LAMA2: variants seen among roughly 807,000 people sequenced by gnomAD.
The protein encoded by LAMA2 is laminin subunit alpha 2, also known as laminin subunit alpha-2.
Under a neutral mutation model 364.8 loss-of-function variants are expected in LAMA2, and 269 were observed. The observed-to-expected ratio is 0.74, with a 90% CI of 0.67 to 0.82. LAMA2 has a LOEUF of 0.82. Among genes scored for constraint, LAMA2 ranks in the 40% least tolerant of loss-of-function variants. The probability of loss-of-function intolerance (pLI) is 0.00; values close to 1 mark genes in which losing one functional copy is unlikely to be tolerated. For synonymous variants in LAMA2, 1,379 were observed against 1,370.6 expected, an observed-to-expected ratio of 1.01 and a Z score of -0.14; for missense variants, 3,807 against 3,873.2, an observed-to-expected ratio of 0.98 and a Z score of 0.45.
intron 43 of LAMA2, among the ~76,000 whole-genome samples, chr6:129,441,553 A>G (rs2114766973): frequency 6.6e-6 from 1 of 152,272 alleles, no homozygotes; most frequent in South Asian, 2.1e-4. Context: ...CTTATATATT[A>G]TATAAAATTA....
At chr6:129,206,654 T>C (rs1426568725) in intron 12 of LAMA2, among the ~76,000 whole-genome samples, 1 of 152,224 alleles carries the variant, frequency 6.6e-6, no homozygotes, top group Non-Finnish European at 1.5e-5. Flanking sequence ...ATTCCTGATG[T>C]CTTCTCATCA....
At chr6:129,512,227 G>T in intron 62 of LAMA2, 136 bp from the exon 63 acceptor site, 1 of 785,634 alleles carries the variant, frequency 1.3e-6, no homozygotes, top group Non-Finnish European at 2.1e-6. Flanking sequence ...GGCCAGGCAG[G>T]ATCTGAAACT....
intron 37 of LAMA2, among the ~76,000 whole-genome samples, chr6:129,398,704 C>T (rs1347851454): frequency 6.6e-6 from 1 of 152,032 alleles, no homozygotes; most frequent in Non-Finnish European, 1.5e-5. Flanking sequence ...GGACTCCTGA[C>T]CTCAGGTGAT....
At chr6:128,974,598 A>T (rs1223748081) in intron 1 of LAMA2, among the ~76,000 whole-genome samples, 1 of 152,194 alleles carries the variant, frequency 6.6e-6, no homozygotes, top group Non-Finnish European at 1.5e-5. Flanking sequence ...TGTCCCCCAA[A>T]GTTAATATAT....
At chr6:129,073,656 C>T (rs4289675) in intron 3 of LAMA2, among the ~76,000 whole-genome samples, 104,267 of 152,020 alleles carry the variant, frequency 0.69, 36,164 homozygotes, top group East Asian at 0.81. Context: ...ATTCAATCTT[C>T]TATTACATAC....
intron 1 of LAMA2, among the ~76,000 whole-genome samples, chr6:128,910,307 C>T (rs1286930004): frequency 3.3e-5 from 5 of 152,200 alleles, no homozygotes; most frequent in African/African-American, 7.2e-5. Context: ...TTCACATAGT[C>T]CCATATTTCT....
intron 62 of LAMA2, 64 bp downstream of exon 62, chr6:129,507,706 G>A (rs1391650077): frequency 2.1e-5 from 32 of 1,508,534 alleles, no homozygotes; most frequent in Non-Finnish European, 2.5e-5. Flanking sequence ...CTTCTTGCTA[G>A]TACCAAATAA....
intron 1 of LAMA2, among the ~76,000 whole-genome samples, chr6:128,952,262 A>G (rs892194363): frequency 6.6e-6 from 1 of 152,216 alleles, no homozygotes; most frequent in Non-Finnish European, 1.5e-5. Flanking sequence ...GAAAAAGCAA[A>G]TATCTTTCCT....
chr6:129,085,584 GA>G (rs1344495229), intron 3 of LAMA2, among the ~76,000 whole-genome samples: 1 of 152,094 alleles, frequency 6.6e-6, no homozygotes, highest in Admixed American at 6.5e-5. Flanking sequence ...CCAATGTGAG[GA>G]ACTTTGGAAG....
chr6:129,272,248 G>T (rs569600276), intron 17 of LAMA2, among the ~76,000 whole-genome samples: 5 of 152,278 alleles, frequency 3.3e-5, no homozygotes, highest in Non-Finnish European at 2.9e-5. Context: ...CAATTCTGGA[G>T]CCAGACTCTT....
chr6:129,069,868 A>C (rs1773198635), intron 3 of LAMA2, among the ~76,000 whole-genome samples: 2 of 149,596 alleles, frequency 1.3e-5, no homozygotes, highest in African/African-American at 4.9e-5. Context: ...ATATGTACTA[A>C]TGTATTAGCT....
chr6:128,964,061 A>G (rs960204177), intron 1 of LAMA2, among the ~76,000 whole-genome samples: 6 of 152,122 alleles, frequency 3.9e-5, no homozygotes, highest in African/African-American at 1.2e-4. Flanking sequence ...AAAAAAACAC[A>G]GTCTTTTTCT....
At chr6:129,494,363 C>T (rs1239598511) in intron 58 of LAMA2, among the ~76,000 whole-genome samples, 1 of 152,224 alleles carries the variant, frequency 6.6e-6, no homozygotes, top group East Asian at 1.9e-4. Flanking sequence ...CTCCAAGCAT[C>T]CTTTCATCCT....
At chr6:129,292,829 G>A in intron 20 of LAMA2, 3 of 985,866 alleles carry the variant, frequency 3.0e-6, no homozygotes, top group Non-Finnish European at 3.6e-6. Context: ...ATCCAGAGAA[G>A]CGATTCTGTG....
chr6:129,012,040 A>T (rs142293447), intron 1 of LAMA2, among the ~76,000 whole-genome samples: 1 of 152,206 alleles, frequency 6.6e-6, no homozygotes, highest in Non-Finnish European at 1.5e-5. Flanking sequence ...CCTTCTACTC[A>T]GGACTCCATT....
chr6:128,937,486 C>A (rs1779897810), intron 1 of LAMA2, among the ~76,000 whole-genome samples: 1 of 151,702 alleles, frequency 6.6e-6, no homozygotes, highest in South Asian at 2.1e-4. Flanking sequence ...TACTCATTAC[C>A]CAAATTTGTT....
chr6:129,158,594 G>T, intron 8 of LAMA2: 1 of 1,614,052 alleles, frequency 6.2e-7, no homozygotes, highest in Non-Finnish European at 8.5e-7. Context: ...AATAATGTTT[G>T]TAACAAAAGC....
At chr6:129,429,905 A>G (rs530530183) in intron 41 of LAMA2, among the ~76,000 whole-genome samples, 1 of 152,346 alleles carries the variant, frequency 6.6e-6, no homozygotes, top group South Asian at 2.1e-4. Context: ...TTTCCAAGAG[A>G]AAAAGAAATC....
intron 55 of LAMA2, among the ~76,000 whole-genome samples, chr6:129,482,373 T>G (rs1583854003): frequency 6.6e-6 from 1 of 152,332 alleles, no homozygotes; most frequent in East Asian, 1.9e-4. Flanking sequence ...ACTGCCCAGA[T>G]TTAAGCATCA....
Sources: gnomAD v4.1 joint callset for allele counts (sites outside exome capture counted in the v4.1 genomes callset) on GRCh38, gnomAD v4.1.1 for gene constraint, MANE v1.5 for transcripts, NCBI Gene and HGNC (gene_info 2026-07-23, HGNC 2026-07-21) for gene names.